Variants in SLC9A9 observed in about 807,000 individuals in gnomAD.
SLC9A9 encodes the protein sodium/hydrogen exchanger 9.
SLC9A9 carries 62 observed loss-of-function variants against 77.8 expected under a neutral mutation model. That is an observed-to-expected ratio of 0.80 (90% CI 0.65 to 0.98). The LOEUF is 0.98. SLC9A9 is among the 50% of genes least tolerant of loss of function. The pLI, the probability that SLC9A9 is intolerant of heterozygous loss-of-function variation, is 0.00. For synonymous variants in SLC9A9, 320 were observed against 283.5 expected (o/e 1.13, Z -1.29); for missense variants, 775 against 774.9 (o/e 1.00, Z 0.00).
intron 1 of SLC9A9, among the ~76,000 whole-genome samples, chr3:143,841,853 A>C (rs906252957): frequency 1.7e-4 from 26 of 151,952 alleles, no homozygotes; most frequent in Admixed American, 7.2e-4. Context: ...TCCTGAGTTC[A>C]AGCAATTCTC....
chr3:143,674,863 A>C (rs1288464688), intron 5 of SLC9A9, among the ~76,000 whole-genome samples: 2 of 152,202 alleles, frequency 1.3e-5, no homozygotes, highest in African/African-American at 4.8e-5. Flanking sequence ...TATCAGTTCC[A>C]AGCCTCCTTC....
At chr3:143,312,226 G>A (rs867202660) in intron 14 of SLC9A9, among the ~76,000 whole-genome samples, 2 of 152,208 alleles carry the variant, frequency 1.3e-5, no homozygotes, top group African/African-American at 2.4e-5. Flanking sequence ...TTGCCACAAG[G>A]CTCAATCCAA....
At chr3:143,644,082 A>G (rs1048648222) in intron 6 of SLC9A9, among the ~76,000 whole-genome samples, 11 of 152,190 alleles carry the variant, frequency 7.2e-5, no homozygotes, top group Non-Finnish European at 1.2e-4. Context: ...ACTCAGAGAC[A>G]ATCGGGGCCA....
chr3:143,280,166 C>T (rs187465487), intron 14 of SLC9A9, among the ~76,000 whole-genome samples: 96 of 152,270 alleles, frequency 6.3e-4, no homozygotes, highest in Middle Eastern at 3.4e-3. Context: ...CCTGGGTGTT[C>T]TTGAGGCCAC....
intron 9 of SLC9A9, among the ~76,000 whole-genome samples, chr3:143,537,139 C>G (rs1006100714): frequency 6.6e-6 from 1 of 152,174 alleles, no homozygotes; most frequent in Non-Finnish European, 1.5e-5. Context: ...ATCTGGTGTC[C>G]AGCATCTGGT....
At chr3:143,464,262 T>G (rs533460734) in intron 12 of SLC9A9, among the ~76,000 whole-genome samples, 1 of 152,204 alleles carries the variant, frequency 6.6e-6, no homozygotes, top group Non-Finnish European at 1.5e-5. Flanking sequence ...GATATAGCTC[T>G]GTAAACAAGC....
chr3:143,371,676 A>G (rs1056621110), intron 13 of SLC9A9, among the ~76,000 whole-genome samples: 1 of 152,212 alleles, frequency 6.6e-6, no homozygotes, highest in Non-Finnish European at 1.5e-5. Flanking sequence ...TGAATATTTC[A>G]GAAGGATGTA....
chr3:143,470,057 C>G (rs73008858), intron 11 of SLC9A9, among the ~76,000 whole-genome samples: 18,461 of 152,118 alleles, frequency 0.12, 1,384 homozygotes, highest in African/African-American at 0.2. Context: ...CAAATGGGAT[C>G]ATTAGGGAAT....
intron 11 of SLC9A9, among the ~76,000 whole-genome samples, chr3:143,478,411 C>A (rs2035518280): frequency 6.6e-6 from 1 of 152,130 alleles, no homozygotes; most frequent in South Asian, 2.1e-4. Flanking sequence ...TCACATGGAA[C>A]CCCCAGTTCT....
chr3:143,767,907 G>GT (rs2108837723), intron 4 of SLC9A9, among the ~76,000 whole-genome samples: 1 of 152,224 alleles, frequency 6.6e-6, no homozygotes, highest in Non-Finnish European at 1.5e-5. Context: ...TTCCTCAGAA[G>GT]TTTTTTAATA....
intron 9 of SLC9A9, among the ~76,000 whole-genome samples, chr3:143,546,379 A>C (rs2036789394): frequency 1.3e-5 from 2 of 152,254 alleles, no homozygotes; most frequent in Admixed American, 1.3e-4. Context: ...AATGCTAGAC[A>C]AAGAATCTGG....
intron 14 of SLC9A9, among the ~76,000 whole-genome samples, chr3:143,344,243 T>C (rs2032193139): frequency 6.6e-6 from 1 of 152,174 alleles, no homozygotes; most frequent in South Asian, 2.1e-4. Flanking sequence ...AAGAGTTTAT[T>C]TGCAAAAATC....
At chr3:143,599,861 A>G (rs906847480) in intron 6 of SLC9A9, among the ~76,000 whole-genome samples, 4 of 152,210 alleles carry the variant, frequency 2.6e-5, no homozygotes, top group Non-Finnish European at 4.4e-5. Flanking sequence ...GCCTCTTTCC[A>G]TTTAAGAAAA....
chr3:143,428,007 G>A (rs754760929), intron 12 of SLC9A9, among the ~76,000 whole-genome samples: 59 of 152,180 alleles, frequency 3.9e-4, no homozygotes, highest in Non-Finnish European at 6.0e-4. Flanking sequence ...TAGGAGAAAT[G>A]CTTCATGAAA....
At chr3:143,507,446 A>G (rs1023329319) in intron 9 of SLC9A9, among the ~76,000 whole-genome samples, 2 of 152,104 alleles carry the variant, frequency 1.3e-5, no homozygotes, top group African/African-American at 4.8e-5. Flanking sequence ...TGACCTCGTG[A>G]TCTGCCTGCC....
At chr3:143,696,879 G>C (rs907202174) in intron 4 of SLC9A9, among the ~76,000 whole-genome samples, 16 of 151,974 alleles carry the variant, frequency 1.1e-4, no homozygotes, top group Admixed American at 6.6e-5. Flanking sequence ...CGAAATTAAA[G>C]TTTTTATGGA....
At chr3:143,614,761 A>G (rs1274716249) in intron 6 of SLC9A9, among the ~76,000 whole-genome samples, 1 of 152,194 alleles carries the variant, frequency 6.6e-6, no homozygotes, top group African/African-American at 2.4e-5. Context: ...GTAACCTTTT[A>G]TGTATCAGGT....
At chr3:143,801,446 A>G (rs1399226822) in intron 2 of SLC9A9, among the ~76,000 whole-genome samples, 1 of 152,008 alleles carries the variant, frequency 6.6e-6, no homozygotes, top group African/African-American at 2.4e-5. Flanking sequence ...TCTGCTCCCC[A>G]GCTCCTTCAG....
chr3:143,475,653 G>A (rs144912469), intron 11 of SLC9A9, among the ~76,000 whole-genome samples: 10 of 152,030 alleles, frequency 6.6e-5, no homozygotes, highest in Non-Finnish European at 1.0e-4. Flanking sequence ...TTAGCTGGGC[G>A]TGGTGGTGAA....
Sources: allele counts gnomAD v4.1 joint callset (sites outside exome capture counted in the v4.1 genomes callset), GRCh38; gene constraint gnomAD v4.1.1; transcripts MANE v1.5; gene names NCBI Gene and HGNC (gene_info 2026-07-23, HGNC 2026-07-21).